ZNF804B: variants seen among roughly 807,000 people sequenced by gnomAD.
ZNF804B encodes zinc finger protein 804B.
In ZNF804B, 80 loss-of-function variants were observed where a neutral mutation model predicts 101.4. The observed-to-expected ratio is 0.79, with a 90% CI of 0.66 to 0.95. The LOEUF (loss-of-function observed/expected upper bound fraction) is 0.95. Ranked by LOEUF, ZNF804B falls within the 40% of genes least tolerant of loss-of-function variation. ZNF804B has a pLI of 0.00. For synonymous variants in ZNF804B, 622 were observed against 558.8 expected (o/e 1.11, Z -1.59); for missense variants, 1,673 against 1,561.9 (o/e 1.07, Z -1.20).
intron 1 of ZNF804B, among the ~76,000 whole-genome samples, chr7:88,834,279 A>G (rs1330663107): frequency 2.0e-5 from 3 of 151,842 alleles, no homozygotes; most frequent in Non-Finnish European, 4.4e-5. Context: ...CTATATTGCG[A>G]ATTATTTTTG....
intron 1 of ZNF804B, among the ~76,000 whole-genome samples, chr7:89,184,710 T>C (rs7799723): frequency 0.21 from 32,576 of 152,072 alleles, 3,590 homozygotes; most frequent in Admixed American, 0.26. Context: ...CCTTTTATCA[T>C]TTTTAGGAAG....
chr7:89,053,747 A>G (rs1336280417), intron 1 of ZNF804B, among the ~76,000 whole-genome samples: 1 of 150,858 alleles, frequency 6.6e-6, no homozygotes, highest in African/African-American at 2.4e-5. Context: ...TCTCTGGTTT[A>G]ATATAATTGA....
intron 2 of ZNF804B, among the ~76,000 whole-genome samples, chr7:89,256,540 C>CA (rs71526639): frequency 0.31 from 36,442 of 118,600 alleles, 4,697 homozygotes; most frequent in Non-Finnish European, 0.33. Flanking sequence ...GCAAGACTGT[C>CA]AAAAAAAAAA....
chr7:88,983,524 C>G (rs535101747), intron 1 of ZNF804B, among the ~76,000 whole-genome samples: 11 of 151,700 alleles, frequency 7.3e-5, no homozygotes, highest in Non-Finnish European at 1.6e-4. Context: ...ACTGCAGCCA[C>G]TATGCACATG....
At chr7:88,982,918 C>A (rs1211737038) in intron 1 of ZNF804B, among the ~76,000 whole-genome samples, 1 of 152,046 alleles carries the variant, frequency 6.6e-6, no homozygotes, top group Non-Finnish European at 1.5e-5. Flanking sequence ...AGAGAGACAG[C>A]TGAAATGCTT....
intron 1 of ZNF804B, among the ~76,000 whole-genome samples, chr7:89,085,511 G>A (rs1309449245): frequency 1.3e-5 from 2 of 151,830 alleles, no homozygotes; most frequent in Non-Finnish European, 2.9e-5. Context: ...CTGCAAGAGT[G>A]AGTATTAATC....
intron 1 of ZNF804B, among the ~76,000 whole-genome samples, chr7:88,823,288 G>A (rs572266109): frequency 6.6e-6 from 1 of 152,110 alleles, no homozygotes; most frequent in Admixed American, 6.6e-5. Context: ...CATATATACA[G>A]TAGTGAGTGA....
intron 1 of ZNF804B, among the ~76,000 whole-genome samples, chr7:88,813,748 A>G (rs941376231): frequency 6.6e-6 from 1 of 152,168 alleles, no homozygotes; most frequent in African/African-American, 2.4e-5. Context: ...TGTAATTTGG[A>G]AATATTCTTA....
At chr7:89,040,896 G>C (rs1292373138) in intron 1 of ZNF804B, among the ~76,000 whole-genome samples, 1 of 151,876 alleles carries the variant, frequency 6.6e-6, no homozygotes, top group Non-Finnish European at 1.5e-5. Flanking sequence ...GTGCTAAAGT[G>C]GAACTGTTAT....
chr7:89,269,820 ATGAG>A (rs1189345009), intron 2 of ZNF804B, among the ~76,000 whole-genome samples: 1 of 152,098 alleles, frequency 6.6e-6, no homozygotes, highest in Non-Finnish European at 1.5e-5. Context: ...GCCGGTGATG[ATGAG>A]TAAGTTTTCA....
intron 1 of ZNF804B, among the ~76,000 whole-genome samples, chr7:89,148,913 A>G (rs113526692): frequency 0.013 from 2,054 of 152,172 alleles, 44 homozygotes; most frequent in African/African-American, 0.047. Flanking sequence ...TGGCTGAAAG[A>G]AGCTAGCCAT....
At chr7:89,152,569 A>T (rs577479433) in intron 1 of ZNF804B, among the ~76,000 whole-genome samples, 1 of 152,174 alleles carries the variant, frequency 6.6e-6, no homozygotes, top group African/African-American at 2.4e-5. Flanking sequence ...CATTATTATG[A>T]TCTTTATGTT....
chr7:88,882,924 A>G (rs1792065446), intron 1 of ZNF804B, among the ~76,000 whole-genome samples: 1 of 152,058 alleles, frequency 6.6e-6, no homozygotes, highest in South Asian at 2.1e-4. Context: ...CCTGGGTCAC[A>G]GGATCACTCA....
At chr7:88,760,115 C>T in intron 1 of ZNF804B, 31 bp downstream of exon 1, 1 of 1,555,842 alleles carries the variant, frequency 6.4e-7, no homozygotes, top group Non-Finnish European at 8.9e-7. Context: ...CATACATACA[C>T]AAACGTTCCA....
intron 3 of ZNF804B, among the ~76,000 whole-genome samples, chr7:89,330,704 A>G (rs1790964867): frequency 6.6e-6 from 1 of 151,586 alleles, no homozygotes; most frequent in African/African-American, 2.4e-5. Context: ...AAGATTAACA[A>G]TAAGGACAAA....
chr7:89,200,431 C>G (rs1313360045), intron 1 of ZNF804B, among the ~76,000 whole-genome samples: 1 of 151,922 alleles, frequency 6.6e-6, no homozygotes, highest in Non-Finnish European at 1.5e-5. Flanking sequence ...TCATAAATCT[C>G]CTCTTAAATT....
At chr7:89,260,507 G>A (rs190517955) in intron 2 of ZNF804B, among the ~76,000 whole-genome samples, 122 of 152,224 alleles carry the variant, frequency 8.0e-4, no homozygotes, top group African/African-American at 2.8e-3. Flanking sequence ...AAAGCCTAAA[G>A]CTATTTCTAT....
intron 1 of ZNF804B, among the ~76,000 whole-genome samples, chr7:89,155,504 A>G (rs1790945005): frequency 6.6e-6 from 1 of 152,116 alleles, no homozygotes; most frequent in African/African-American, 2.4e-5. Context: ...ATATCCTCAG[A>G]TCTGTCCTGT....
intron 1 of ZNF804B, among the ~76,000 whole-genome samples, chr7:88,953,202 T>C (rs190753754): frequency 6.6e-6 from 1 of 151,904 alleles, no homozygotes; most frequent in Admixed American, 6.6e-5. Context: ...ATTTATGTAC[T>C]TTCATTCTCC....
Sources: gnomAD v4.1 joint callset for allele counts (sites outside exome capture counted in the v4.1 genomes callset) on GRCh38, gnomAD v4.1.1 for gene constraint, MANE v1.5 for transcripts, NCBI Gene and HGNC (gene_info 2026-07-23, HGNC 2026-07-21) for gene names.